The following AGBL4 variants were observed in gnomAD, a reference collection of about 807,000 sequenced individuals.
The protein encoded by AGBL4 is AGBL carboxypeptidase 4.
Under a neutral mutation model 66.4 loss-of-function variants are expected in AGBL4, and 58 were observed. That is an observed-to-expected ratio of 0.87 (90% CI 0.71 to 1.09). The LOEUF (loss-of-function observed/expected upper bound fraction) is 1.09. Ranked by LOEUF, AGBL4 falls within the 50% of genes least tolerant of loss-of-function variation. The pLI, the probability that AGBL4 is intolerant of heterozygous loss-of-function variation, is 0.00. For synonymous variants in AGBL4, 234 were observed against 222.9 expected, an observed-to-expected ratio of 1.05 and a Z score of -0.44; for missense variants, 579 against 631.0, an observed-to-expected ratio of 0.92 and a Z score of 0.88.
intron 3 of AGBL4, among the ~76,000 whole-genome samples, chr1:49,430,328 G>A (rs1374867576): frequency 6.6e-6 from 1 of 152,126 alleles, no homozygotes; most frequent in Non-Finnish European, 1.5e-5. Flanking sequence ...TAGCTTGGGT[G>A]TTTTGTTTGA....
At chr1:49,075,133 A>C (rs984000950) in intron 4 of AGBL4, among the ~76,000 whole-genome samples, 1 of 152,226 alleles carries the variant, frequency 6.6e-6, no homozygotes, top group African/African-American at 2.4e-5. Context: ...TTTTTTGAAC[A>C]TTTGTGTATA....
intron 2 of AGBL4, among the ~76,000 whole-genome samples, chr1:49,709,137 T>A (rs1210841910): frequency 2.0e-5 from 3 of 152,210 alleles, no homozygotes; most frequent in Admixed American, 6.5e-5. Context: ...AAGGTTTATA[T>A]CTGCTGAAGC....
intron 2 of AGBL4, among the ~76,000 whole-genome samples, chr1:49,790,724 C>A (rs1374220658): frequency 1.3e-5 from 2 of 152,102 alleles, no homozygotes; most frequent in Non-Finnish European, 2.9e-5. Context: ...AGAGGGGATT[C>A]AGTGCCAGAA....
rs57974289 is a variant in AGBL4 at position 49,407,065 on chromosome 1, CAA to C, written c.283-161203_283-161202del. ...GGGCGACAGAGTGAGACTCTGCCTC[CAA>C]AAAAAAAAAAAAAAAAAAAAAAAAG... On this transcript the variant is annotated intron_variant, in intron 3 of 13. Transcript: ENST00000371839. Among the ~76,000 whole-genome samples, 18 of 25,920 alleles carry C rather than the reference CAA, an allele frequency of 6.9e-4. No individual in the cohort carries two copies. In the South Asian group the frequency reaches 0.015, roughly 22 times the overall value. 17.0% of individuals were successfully genotyped at this position (25,920 alleles called of 152,430 possible). A position where few individuals can be genotyped will look rare whatever the true frequency, so the allele number is the denominator to read the frequency against.
chr1:49,268,157 G>A (rs1643967017), intron 3 of AGBL4: 1 of 152,030 alleles, frequency 6.6e-6, no homozygotes, highest in Admixed American at 6.6e-5. Context: ...TCAATACTAG[G>A]CCAACCTATA....
chr1:48,936,112 C>T (rs944941817), intron 5 of AGBL4, among the ~76,000 whole-genome samples: 3 of 151,272 alleles, frequency 2.0e-5, no homozygotes, highest in Non-Finnish European at 4.4e-5. Flanking sequence ...CATAGTGAGA[C>T]CCTGTCTCTA....
At chr1:49,670,833 G>A (rs559995292) in intron 3 of AGBL4, among the ~76,000 whole-genome samples, 1 of 152,242 alleles carries the variant, frequency 6.6e-6, no homozygotes, top group East Asian at 1.9e-4. Flanking sequence ...AATTGTTAAG[G>A]TGAAACTTAT....
At position 49,492,355 on chromosome 1, in the gene AGBL4, G is replaced by A. The variant is rs371008732; in HGVS notation, c.282+204958C>T. ...ATGTTCTGGGCAGGACAGATGAGGG[G>A]CAGCTATTCAGAACAGCTTGAAATT... On this transcript the variant is annotated intron_variant, in intron 3 of 13. Transcript: ENST00000371839. Among the ~76,000 whole-genome samples, 52 of 151,986 alleles carry A rather than the reference G, an allele frequency of 3.4e-4. 1 individual carries two copies. The South Asian group carries it at 9.8e-3, about 29-fold the overall frequency.
At chr1:49,678,620 G>A (rs1646626771) in intron 3 of AGBL4, among the ~76,000 whole-genome samples, 1 of 151,934 alleles carries the variant, frequency 6.6e-6, no homozygotes, top group South Asian at 2.1e-4. Flanking sequence ...CTCAGTACTG[G>A]TTTAGCTACC....
At chr1:50,016,355 A>G (rs186258286) in intron 1 of AGBL4, among the ~76,000 whole-genome samples, 8 of 152,218 alleles carry the variant, frequency 5.3e-5, no homozygotes, top group South Asian at 2.1e-4. Flanking sequence ...TAAGGTCAGG[A>G]GTTCCAGACC....
intron 2 of AGBL4, among the ~76,000 whole-genome samples, chr1:49,814,539 G>T (rs1319083422): frequency 6.6e-6 from 1 of 151,844 alleles, no homozygotes; most frequent in Non-Finnish European, 1.5e-5. Context: ...AATGAGTGAG[G>T]ATTCAACCTT....
rs867136304 is a variant in AGBL4, at chr1:49,962,959, T to G, written c.34+60804A>C. On this transcript the variant is annotated intron_variant, in intron 1 of 13. Coordinates refer to ENST00000371839, the MANE Select transcript of AGBL4 (RefSeq NM_032785.4). ...AAACCCAGACTTCCTGATTGTCCAG[T>G]TGATAATTTGCATCAAATCATGACA... Among the ~76,000 whole-genome samples the G allele has an allele frequency of 2.6e-5, 4 of 152,246 alleles. No individual in the cohort carries two copies. The Middle Eastern group carries it at 0.014, about 518-fold the overall frequency.
intron 11 of AGBL4, among the ~76,000 whole-genome samples, chr1:48,546,846 G>A (rs983584605): frequency 7.4e-6 from 1 of 134,956 alleles, no homozygotes. Flanking sequence ...GACAAATAGC[G>A]AGGTAGTAAA....
intron 6 of AGBL4, among the ~76,000 whole-genome samples, chr1:48,825,171 C>G (rs935005260): frequency 6.6e-6 from 1 of 152,130 alleles, no homozygotes; most frequent in African/African-American, 2.4e-5. Context: ...GCTTCGAACA[C>G]AAACACAATT....
intron 6 of AGBL4, chr1:48,742,799 T>C (rs777019507): frequency 7.3e-6 from 11 of 1,501,084 alleles, no homozygotes; most frequent in Non-Finnish European, 8.9e-6. Flanking sequence ...GAAATCTGTC[T>C]AGAACTCCAA....
At chr1:49,583,101 C>T (rs1644577219) in intron 3 of AGBL4, among the ~76,000 whole-genome samples, 1 of 152,042 alleles carries the variant, frequency 6.6e-6, no homozygotes, top group African/African-American at 2.4e-5. Context: ...GGTTTCTGAC[C>T]CAGAGCTCCT....
intron 2 of AGBL4, among the ~76,000 whole-genome samples, chr1:49,822,341 T>TGTG (rs1557481184): frequency 3.0e-4 from 43 of 143,632 alleles, no homozygotes; most frequent in African/African-American, 1.1e-3. Flanking sequence ...GTGTGTGTGT[T>TGTG]TGTGTGAGAC....
intron 5 of AGBL4, among the ~76,000 whole-genome samples, chr1:48,955,018 G>A (rs895448841): frequency 1.3e-5 from 2 of 152,196 alleles, no homozygotes; most frequent in Non-Finnish European, 2.9e-5. Flanking sequence ...GCACAGGGGC[G>A]TAAAGCTATT....
chr1:48,617,301 A>G (rs988075898), intron 9 of AGBL4, among the ~76,000 whole-genome samples: 2 of 152,350 alleles, frequency 1.3e-5, no homozygotes, highest in African/African-American at 4.8e-5. Flanking sequence ...TTAACAAATT[A>G]TACCAAAGCA....
Sources: allele counts gnomAD v4.1 joint callset (sites outside exome capture counted in the v4.1 genomes callset), GRCh38; gene constraint gnomAD v4.1.1; transcripts MANE v1.5; gene names NCBI Gene and HGNC (gene_info 2026-07-23, HGNC 2026-07-21).